The following RGPD2 variants were observed in gnomAD, a reference collection of about 807,000 sequenced individuals.
RGPD2 encodes RANBP2-like and GRIP domain-containing protein 2.
Under a neutral mutation model 36.0 loss-of-function variants are expected in RGPD2, and 2 were observed. The ratio of observed to expected loss-of-function variants is 0.06; its 90% CI spans 0.02 to 0.17. The LOEUF is 0.17. Ranked by LOEUF, RGPD2 falls within the 10% of genes least tolerant of loss-of-function variation. The probability of loss-of-function intolerance (pLI) is 1.00; values close to 1 mark genes in which losing one functional copy is unlikely to be tolerated. For missense variants in RGPD2, 40 were observed against 464.3 expected (o/e 0.09, Z 8.40); for synonymous variants, 19 against 163.8 (o/e 0.12, Z 6.75).
chr2:87,948,623 C>T, the RGPD2 span, among the ~76,000 whole-genome samples: 1 of 136,716 alleles, frequency 7.3e-6, no homozygotes, highest in Non-Finnish European at 1.6e-5. Flanking sequence ...TCAGGTGATC[C>T]ACCCGCCTTA....
the RGPD2 span, chr2:87,972,807 C>G: frequency 6.2e-7 from 1 of 1,611,818 alleles, no homozygotes; most frequent in Non-Finnish European, 8.5e-7. Flanking sequence ...GGCTGCTGCA[C>G]CTACTACTAT....
At chr2:87,971,894 A>G in the RGPD2 span, among the ~76,000 whole-genome samples, 1 of 152,032 alleles carries the variant, frequency 6.6e-6, no homozygotes, top group Admixed American at 6.6e-5. Flanking sequence ...TTAGTCACTT[A>G]ATGACTACTG....
the RGPD2 span, among the ~76,000 whole-genome samples, chr2:87,870,176 T>A: frequency 8.5e-5 from 13 of 152,404 alleles, no homozygotes; most frequent in African/African-American, 3.1e-4. Context: ...TTATGATGTG[T>A]TGACATCTTA....
At chr2:87,840,646 T>G in the RGPD2 span, among the ~76,000 whole-genome samples, 1 of 151,308 alleles carries the variant, frequency 6.6e-6, no homozygotes, top group Non-Finnish European at 1.5e-5. Flanking sequence ...GAGACCAGTA[T>G]TTTCCTTTGT....
At chr2:87,939,959 A>G in the RGPD2 span, among the ~76,000 whole-genome samples, 1 of 152,068 alleles carries the variant, frequency 6.6e-6, no homozygotes, top group East Asian at 1.9e-4. Context: ...GAGCATGAAC[A>G]TTTTCGCATT....
At chr2:87,975,950 C>T in the RGPD2 span, among the ~76,000 whole-genome samples, 1 of 151,682 alleles carries the variant, frequency 6.6e-6, no homozygotes, top group African/African-American at 2.4e-5. Context: ...GGAAACACTG[C>T]AAGTCTGAAG....
the RGPD2 span, among the ~76,000 whole-genome samples, chr2:87,961,425 G>A: frequency 6.6e-6 from 1 of 151,898 alleles, no homozygotes; most frequent in South Asian, 2.1e-4. Context: ...TGCCCGCCGG[G>A]CGCCGTGGCT....
In RGPD2 at chr2:87,798,877, A is replaced by C. The variant is rs1031645772; in HGVS notation, c.1064-703T>G. ...AGTAAGACTGTCTCAGGAAAAAAAA[A>C]AAAAGAATTATTTCCAGGCCTTGTT... On this transcript the variant is annotated intron_variant, in intron 8 of 22. Coordinates refer to ENST00000398146, the MANE Select transcript of RGPD2 (RefSeq NM_001078170.3). Among the ~76,000 whole-genome samples, 86 of 122,232 alleles carry C rather than the reference A, an allele frequency of 7.0e-4. No individual in the cohort carries two copies. In the South Asian group the frequency reaches 0.026, roughly 37 times the overall value. The allele number at this position is 122,232 out of a possible 152,430, so 80.2% of individuals were successfully genotyped here.
intron 4 of RGPD2, among the ~76,000 whole-genome samples, chr2:87,813,719 TTTTAAA>T (rs1408147964): frequency 8.4e-6 from 1 of 119,068 alleles, no homozygotes; most frequent in African/African-American, 3.2e-5. Context: ...CTATGAGTGC[TTTTAAA>T]AAGTTCTATC....
chr2:87,930,821 C>T, the RGPD2 span, among the ~76,000 whole-genome samples: 1 of 131,306 alleles, frequency 7.6e-6, no homozygotes, highest in Admixed American at 7.9e-5. Flanking sequence ...GGAATTTATC[C>T]ATTTCTTCCA....
chr2:87,836,028 A>G, the RGPD2 span, among the ~76,000 whole-genome samples: 1 of 150,426 alleles, frequency 6.6e-6, no homozygotes, highest in Non-Finnish European at 1.5e-5. Context: ...AAAGTGAGAG[A>G]GAGCAAACAA....
chr2:87,842,053 T>C, the RGPD2 span, among the ~76,000 whole-genome samples: 54 of 151,322 alleles, frequency 3.6e-4, no homozygotes, highest in Non-Finnish European at 4.6e-4. Flanking sequence ...ATTGATGGGA[T>C]GTATCTCAAA....
At chr2:87,768,986 G>T (rs1685027170) in intron 22 of RGPD2, among the ~76,000 whole-genome samples, 3 of 3,010 alleles carry the variant, frequency 1.0e-3, no homozygotes, top group South Asian at 0.031. Flanking sequence ...TTTTTTTTGA[G>T]ATAAGAGTTT....
chr2:87,872,726 T>C, the RGPD2 span, among the ~76,000 whole-genome samples: 1 of 151,408 alleles, frequency 6.6e-6, no homozygotes, highest in Non-Finnish European at 1.5e-5. Context: ...CTGCCATGTG[T>C]CTATGTGTTC....
At chr2:87,875,031 T>A in the RGPD2 span, among the ~76,000 whole-genome samples, 1 of 152,258 alleles carries the variant, frequency 6.6e-6, no homozygotes, top group Non-Finnish European at 1.5e-5. Flanking sequence ...TGTATGGGAA[T>A]ACTAGCAAGT....
intron 22 of RGPD2, among the ~76,000 whole-genome samples, chr2:87,763,223 T>C (rs980740264): frequency 7.2e-6 from 1 of 138,678 alleles, no homozygotes; most frequent in African/African-American, 2.8e-5. Flanking sequence ...AGTGGCACGA[T>C]CTCAGCTCAC....
the RGPD2 span, among the ~76,000 whole-genome samples, chr2:87,909,206 C>T: frequency 2.0e-5 from 3 of 152,120 alleles, no homozygotes; most frequent in Non-Finnish European, 2.9e-5. Context: ...CTGCCACAGT[C>T]AGAGGGAATG....
chr2:87,920,275 G>T, the RGPD2 span, among the ~76,000 whole-genome samples: 1 of 151,798 alleles, frequency 6.6e-6, no homozygotes, highest in Non-Finnish European at 1.5e-5. Context: ...ACTCTCAAGT[G>T]GGGAAAAAAA....
chr2:87,887,041 GAA>G, the RGPD2 span, among the ~76,000 whole-genome samples: 1 of 145,792 alleles, frequency 6.9e-6, no homozygotes, highest in Non-Finnish European at 1.5e-5. Context: ...GTTTTAAAAT[GAA>G]AAAAAAAAAT....
Sources: allele counts gnomAD v4.1 joint callset (sites outside exome capture counted in the v4.1 genomes callset), GRCh38; gene constraint gnomAD v4.1.1; transcripts MANE v1.5; gene names NCBI Gene and HGNC (gene_info 2026-07-23, HGNC 2026-07-21).